Variants in MB21D2 observed in about 807,000 individuals in gnomAD.
MB21D2 encodes nucleotidyltransferase MB21D2.
MB21D2 carries 9 observed loss-of-function variants against 33.3 expected under a neutral mutation model. The ratio of observed to expected loss-of-function variants is 0.27; its 90% CI spans 0.16 to 0.47. The LOEUF (loss-of-function observed/expected upper bound fraction) is 0.47. Ranked by LOEUF, MB21D2 falls within the 20% of genes least tolerant of loss-of-function variation. The pLI is 0.99. For synonymous variants in MB21D2, 241 were observed against 236.3 expected (o/e 1.02, Z -0.18); for missense variants, 540 against 624.6 (o/e 0.86, Z 1.44).
intron 1 of MB21D2, among the ~76,000 whole-genome samples, chr3:192,899,151 A>G (rs767864432): frequency 2.6e-5 from 4 of 152,256 alleles, no homozygotes; most frequent in Non-Finnish European, 5.9e-5. Flanking sequence ...CAAGAAATAC[A>G]TGGTAAAACG....
At chr3:192,886,564 G>A (rs1186983991) in intron 1 of MB21D2, among the ~76,000 whole-genome samples, 1 of 152,078 alleles carries the variant, frequency 6.6e-6, no homozygotes, top group Non-Finnish European at 1.5e-5. Flanking sequence ...CCACTCTGCT[G>A]TCATTTAGAG....
intron 1 of MB21D2, among the ~76,000 whole-genome samples, chr3:192,892,114 C>T (rs556372176): frequency 2.6e-5 from 4 of 151,296 alleles, no homozygotes; most frequent in African/African-American, 9.8e-5. Flanking sequence ...CCATGACGAC[C>T]ACTCACAAAT....
intron 1 of MB21D2, among the ~76,000 whole-genome samples, chr3:192,858,024 C>T (rs1010871242): frequency 6.6e-6 from 1 of 152,128 alleles, no homozygotes; most frequent in Admixed American, 6.5e-5. Flanking sequence ...ACCGGGGAGG[C>T]TGAGGCAGGA....
chr3:192,825,533 T>C (rs1712156346), intron 1 of MB21D2, among the ~76,000 whole-genome samples: 1 of 152,164 alleles, frequency 6.6e-6, no homozygotes, highest in Non-Finnish European at 1.5e-5. Flanking sequence ...AAACATTCTC[T>C]CCTATTAAAT....
intron 1 of MB21D2, among the ~76,000 whole-genome samples, chr3:192,816,469 T>A (rs1037981761): frequency 2.6e-5 from 4 of 152,194 alleles, no homozygotes; most frequent in African/African-American, 9.7e-5. Flanking sequence ...CTAGAGGTCA[T>A]GCCTTCCTAA....
At position 192,798,630 on chromosome 3, in the gene MB21D2, A is replaced by G; in HGVS notation, c.1232T>C (p.Leu411Ser). The stretch of plus-strand genomic sequence containing the variant: ...CTTGACATGCTCAATGGCGGTGCGC[A>G]AGTGCTCTGCCGGGTCTGAGCGCAC... ...SSVRSDPAEH[L>S]RTAIEHVKAA... Residue 411 changes from leucine to serine, a missense_variant, in exon 2 of 2, where the codon TTG (leucine) becomes TCG (serine). Coordinates refer to ENST00000392452, the MANE Select transcript of MB21D2 (RefSeq NM_178496.4). The surrounding 1 kb of genome is among the most constrained non-coding windows in gnomAD (Gnocchi z 4.8). 6.2e-7 allele frequency: 1 copy of G among 1,613,852 alleles called. No individual in the cohort carries two copies. The highest frequency in any genetic ancestry group is 8.5e-7 in the Non-Finnish European group (1 of 1,180,024).
chr3:192,804,997 A>G (rs1711633083), intron 1 of MB21D2, among the ~76,000 whole-genome samples: 1 of 152,216 alleles, frequency 6.6e-6, no homozygotes, highest in African/African-American at 2.4e-5. Flanking sequence ...TATCTGAAGA[A>G]AAAACTGGTT....
At chr3:192,811,987 T>G (rs75758801) in intron 1 of MB21D2, among the ~76,000 whole-genome samples, 2,288 of 152,278 alleles carry the variant, frequency 0.015, 68 homozygotes, top group African/African-American at 0.053. Flanking sequence ...TATATTTAGT[T>G]TCTTCATTCA....
At chr3:192,890,734 C>T (rs1205643167) in intron 1 of MB21D2, among the ~76,000 whole-genome samples, 3 of 151,936 alleles carry the variant, frequency 2.0e-5, no homozygotes, top group African/African-American at 4.8e-5. Flanking sequence ...AAACAAATTT[C>T]GGCAAAAATG....
chr3:192,826,236 G>C (rs1183959227), intron 1 of MB21D2, among the ~76,000 whole-genome samples: 9 of 152,166 alleles, frequency 5.9e-5, no homozygotes, highest in Non-Finnish European at 8.8e-5. Flanking sequence ...CTTACTTTCA[G>C]ACCAAACTAT....
chr3:192,902,820 G>A (rs1456296634), intron 1 of MB21D2, among the ~76,000 whole-genome samples: 3 of 152,164 alleles, frequency 2.0e-5, no homozygotes, highest in Non-Finnish European at 4.4e-5. Flanking sequence ...GCCACAGGCC[G>A]GTCCTATAGT....
chr3:192,825,053 C>T (rs542319946), intron 1 of MB21D2, among the ~76,000 whole-genome samples: 224 of 152,240 alleles, frequency 1.5e-3, no homozygotes, highest in African/African-American at 5.2e-3. Context: ...GTGTACTCTA[C>T]CCAAGAATAG....
At chr3:192,897,073 T>C (rs1344017828) in intron 1 of MB21D2, among the ~76,000 whole-genome samples, 2 of 152,142 alleles carry the variant, frequency 1.3e-5, no homozygotes, top group African/African-American at 2.4e-5. Flanking sequence ...GGGAAATTAA[T>C]AGCAAACAAG....
intron 1 of MB21D2, among the ~76,000 whole-genome samples, chr3:192,915,308 A>T (rs924872471): frequency 6.8e-6 from 1 of 148,060 alleles, no homozygotes; most frequent in Admixed American, 6.6e-5. Flanking sequence ...CAAAGTGTAT[A>T]AAAAAAATGA....
At chr3:192,856,895 T>C (rs1433503344) in intron 1 of MB21D2, among the ~76,000 whole-genome samples, 2 of 152,126 alleles carry the variant, frequency 1.3e-5, no homozygotes, top group Non-Finnish European at 2.9e-5. Context: ...ACTAATTATC[T>C]TCTGTCTGTT....
intron 1 of MB21D2, among the ~76,000 whole-genome samples, chr3:192,853,877 G>A (rs1712861208): frequency 6.6e-6 from 1 of 152,142 alleles, no homozygotes; most frequent in South Asian, 2.1e-4. Flanking sequence ...GTTATTATAT[G>A]TTATGGTGAT....
In MB21D2 at chr3:192,799,726, C is replaced by G; in HGVS notation, c.212-76G>C. 1 of 1,445,926 alleles carries G rather than the reference C, an allele frequency of 6.9e-7. No homozygotes were observed. The highest frequency in any genetic ancestry group is 2.4e-5 in the East Asian group (1 of 41,328). The allele number at this position is 1,445,926 out of a possible 1,614,324, so 89.6% of individuals were successfully genotyped here. A position where few individuals can be genotyped will look rare whatever the true frequency, so the allele number is the denominator to read the frequency against. On this transcript the variant is annotated intron_variant, in intron 1 of 1. Coordinates refer to ENST00000392452, the MANE Select transcript of MB21D2 (RefSeq NM_178496.4). The surrounding 1 kb of genome is among the most constrained non-coding windows in gnomAD (Gnocchi z 4.1). ...AGAGTCTTATGCATGAAACAGAATG[C>G]TCTGATGTTCCAAGAACCAAAACTC...
At chr3:192,903,156 C>CT (rs1491197573) in intron 1 of MB21D2, among the ~76,000 whole-genome samples, 1 of 152,208 alleles carries the variant, frequency 6.6e-6, no homozygotes, top group African/African-American at 2.4e-5. Context: ...GTGACTTCCC[C>CT]TGTCTTCAAA....
intron 1 of MB21D2, among the ~76,000 whole-genome samples, chr3:192,901,432 A>AAG (rs1188570088): frequency 2.6e-5 from 4 of 151,252 alleles, no homozygotes; most frequent in African/African-American, 7.3e-5. Flanking sequence ...AAAAAAAAAA[A>AAG]AAGACTTTAT....
Sources: gnomAD v4.1 joint callset for allele counts (sites outside exome capture counted in the v4.1 genomes callset) on GRCh38, gnomAD v4.1.1 for gene constraint, Gnocchi (gnomAD v3.1) non-coding constraint, MANE v1.5 for transcripts, NCBI Gene and HGNC (gene_info 2026-07-23, HGNC 2026-07-21) for gene names.